The following ANO10 variants were observed in gnomAD, a reference collection of about 807,000 sequenced individuals.
ANO10 encodes the protein anoctamin-10.
Under a neutral mutation model 74.7 loss-of-function variants are expected in ANO10, and 77 were observed. That is an observed-to-expected ratio of 1.03 (90% confidence interval 0.86 to 1.25). The LOEUF is 1.25. ANO10 is among the 50% of genes most tolerant of loss of function. The pLI is 0.00. For missense variants in ANO10, 721 were observed against 778.1 expected (o/e 0.93, Z 0.87); for synonymous variants, 279 against 284.9 (o/e 0.98, Z 0.21).
At chr3:43,681,444 C>G (rs1272715341) in intron 1 of ANO10, among the ~76,000 whole-genome samples, 1 of 151,796 alleles carries the variant, frequency 6.6e-6, no homozygotes, top group Non-Finnish European at 1.5e-5. Flanking sequence ...CCTCAGAGAC[C>G]TACAAAGAGA....
At chr3:43,518,728 T>C (rs987847215) in intron 11 of ANO10, among the ~76,000 whole-genome samples, 3 of 152,150 alleles carry the variant, frequency 2.0e-5, no homozygotes, top group African/African-American at 4.8e-5. Flanking sequence ...CCCGGTCTCC[T>C]GTAGTGCCCC....
At chr3:43,543,830 G>A (rs1334570605) in intron 11 of ANO10, among the ~76,000 whole-genome samples, 1 of 152,186 alleles carries the variant, frequency 6.6e-6, no homozygotes, top group African/African-American at 2.4e-5. Context: ...GTGGTCACCA[G>A]GCCCTAAACA....
intron 1 of ANO10, among the ~76,000 whole-genome samples, chr3:43,656,685 T>C (rs1380517818): frequency 6.6e-6 from 1 of 152,206 alleles, no homozygotes; most frequent in African/African-American, 2.4e-5. Flanking sequence ...AAGTCCCTCA[T>C]TGCCCGGGGC....
At chr3:43,429,130 A>G (rs2092943854) in intron 12 of ANO10, among the ~76,000 whole-genome samples, 1 of 152,126 alleles carries the variant, frequency 6.6e-6, no homozygotes, top group African/African-American at 2.4e-5. Flanking sequence ...CATAGTAAAC[A>G]CATATCCATG....
intron 1 of ANO10, among the ~76,000 whole-genome samples, chr3:43,613,849 C>A (rs912040981): frequency 6.6e-6 from 1 of 152,078 alleles, no homozygotes; most frequent in Non-Finnish European, 1.5e-5. Flanking sequence ...TTTTGAGGAG[C>A]CCTTAGTCTA....
chr3:43,466,378 A>AC (rs1559575285), intron 11 of ANO10, among the ~76,000 whole-genome samples: 5 of 90,748 alleles, frequency 5.5e-5, no homozygotes, highest in African/African-American at 1.7e-4. Context: ...TCAAAAAAAA[A>AC]AAAAAAAAAC....
chr3:43,611,395 C>T (rs1176168077), intron 1 of ANO10, among the ~76,000 whole-genome samples: 13 of 152,304 alleles, frequency 8.5e-5, no homozygotes, highest in African/African-American at 3.1e-4. Flanking sequence ...TTAAACAATA[C>T]AGCAGTCTAG....
At position 43,600,255 on chromosome 3, in the gene ANO10, G is replaced by A. The variant is rs556806557; in HGVS notation, c.337+129C>T. The A allele has an allele frequency of 1.1e-5, 11 of 1,039,274 alleles. 1 individual carries two copies. Among genetic ancestry groups the A allele is most frequent in the Admixed American group, 5.6e-5 (3 of 53,116 alleles). The allele number at this position is 1,039,274 out of a possible 1,614,324, so 64.4% of individuals were successfully genotyped here. A position where few individuals can be genotyped will look rare whatever the true frequency, so the allele number is the denominator to read the frequency against. Reference sequence around the variant, plus strand: ...TGAGTAATTGCAGCAGAGACCACACGGACTGCAAAACCTAAAATATTTACT... The same window carrying A: ...TGAGTAATTGCAGCAGAGACCACACAGACTGCAAAACCTAAAATATTTACT... On this transcript the variant is annotated intron_variant, in intron 3 of 12. Transcript: ENST00000292246.
intron 11 of ANO10, among the ~76,000 whole-genome samples, chr3:43,495,829 A>G (rs1453247206): frequency 6.6e-6 from 1 of 151,978 alleles, no homozygotes; most frequent in Non-Finnish European, 1.5e-5. Flanking sequence ...CCTCCCGAGT[A>G]GCTGGGACTA....
intron 11 of ANO10, among the ~76,000 whole-genome samples, chr3:43,518,868 C>T (rs2077825502): frequency 6.6e-6 from 1 of 152,148 alleles, no homozygotes; most frequent in African/African-American, 2.4e-5. Context: ...GAAACTTCAT[C>T]AGCAATTCTA....
chr3:43,571,194 A>T (rs201750581), intron 7 of ANO10, among the ~76,000 whole-genome samples: 7 of 150,902 alleles, frequency 4.6e-5, no homozygotes, highest in African/African-American at 1.7e-4. Context: ...AACAGGTGCT[A>T]GAGAGGATGT....
intron 11 of ANO10, among the ~76,000 whole-genome samples, chr3:43,508,738 G>T (rs9758483): frequency 0.14 from 20,751 of 149,296 alleles, 1,727 homozygotes; most frequent in African/African-American, 0.23. Flanking sequence ...CGTGGGAATT[G>T]AACAATGAGA....
intron 11 of ANO10, among the ~76,000 whole-genome samples, chr3:43,533,081 G>C (rs570135386): frequency 1.3e-5 from 2 of 152,096 alleles, no homozygotes; most frequent in Non-Finnish European, 2.9e-5. Context: ...AGTCGGTAAA[G>C]ACTCAAACAA....
chr3:43,678,493 T>A (rs953655233), intron 1 of ANO10, among the ~76,000 whole-genome samples: 1 of 152,216 alleles, frequency 6.6e-6, no homozygotes, highest in South Asian at 2.1e-4. Context: ...AGACATTGTA[T>A]GGGAAAGCAC....
chr3:43,670,286 T>C (rs934346725), intron 1 of ANO10, among the ~76,000 whole-genome samples: 2 of 151,608 alleles, frequency 1.3e-5, no homozygotes, highest in Non-Finnish European at 2.9e-5. Flanking sequence ...TGCTTGCGCC[T>C]GGGAGGATGA....
intron 2 of ANO10, among the ~76,000 whole-genome samples, chr3:43,600,845 A>G (rs373128524): frequency 1.3e-5 from 2 of 152,170 alleles, no homozygotes; most frequent in Admixed American, 6.5e-5. Flanking sequence ...CGAGAATTCA[A>G]TATTTCCGAG....
chr3:43,417,346 A>T (rs1214444882), intron 12 of ANO10, among the ~76,000 whole-genome samples: 1 of 152,188 alleles, frequency 6.6e-6, no homozygotes, highest in African/African-American at 2.4e-5. Context: ...TTTGCATAAT[A>T]ACATTAGGGT....
rs529251940 is a variant in ANO10, at chr3:43,634,303, T to TA, written c.-11-28441dup. 9.9e-5 allele frequency among the ~76,000 whole-genome samples: 15 copies of TA among 151,788 alleles called. 1 individual carries two copies. The highest frequency in any genetic ancestry group is 2.4e-4 in the African/African-American group (10 of 41,414). Reference sequence around the variant, plus strand: ...TCCTTTTTACATGTCTTTTAATAATTAAAAAAAATAAGATAGGTATAATAC... The same window carrying TA: ...TCCTTTTTACATGTCTTTTAATAATTAAAAAAAAATAAGATAGGTATAATAC... On this transcript the variant is annotated intron_variant, in intron 1 of 3. Transcript: ENST00000413397.
intron 11 of ANO10, among the ~76,000 whole-genome samples, chr3:43,467,385 T>C (rs1291703535): frequency 2.0e-5 from 3 of 152,222 alleles, no homozygotes; most frequent in Non-Finnish European, 4.4e-5. Context: ...ATCTATGGTA[T>C]ATTCATACAA....
Sources: allele counts gnomAD v4.1 joint callset (sites outside exome capture counted in the v4.1 genomes callset), GRCh38; gene constraint gnomAD v4.1.1; transcripts MANE v1.5; gene names NCBI Gene and HGNC (gene_info 2026-07-23, HGNC 2026-07-21).